Variants in NLRP5 observed in about 807,000 individuals in gnomAD.
NLRP5 encodes NLR family pyrin domain containing 5.
NLRP5 carries 93 observed loss-of-function variants against 113.1 expected under a neutral mutation model. That is an observed-to-expected ratio of 0.82 (90% CI 0.70 to 0.98). The LOEUF is 0.98. NLRP5 is among the 50% of genes least tolerant of loss of function. NLRP5 has a pLI of 0.00. For synonymous variants in NLRP5, 751 were observed against 600.7 expected, an observed-to-expected ratio of 1.25 and a Z score of -3.66; for missense variants, 1,808 against 1,514.3, an observed-to-expected ratio of 1.19 and a Z score of -3.22.
chr19:56,007,912 T>TAGAAATGGAAGATGCTTCCAAA (rs1982002077), intron 2 of NLRP5, among the ~76,000 whole-genome samples: 1 of 28,868 alleles, frequency 3.5e-5, no homozygotes. Flanking sequence ...TGCGTGTGTG[T>TAGAAATGGAAGATGCTTCCAAA]GTGTGTGTGT....
chr19:56,022,334 C>T (rs1236815306), intron 6 of NLRP5, among the ~76,000 whole-genome samples: 1 of 152,184 alleles, frequency 6.6e-6, no homozygotes, highest in East Asian at 1.9e-4. Context: ...ATCCTCCTGC[C>T]TCAGCCTCCT....
At chr19:56,028,584 T>G in intron 7 of NLRP5, 75 bp downstream of exon 7, 11 of 1,358,734 alleles carry the variant, frequency 8.1e-6, no homozygotes, top group Non-Finnish European at 1.1e-5. Context: ...TTGACATGAC[T>G]TCCAGGAACT....
chr19:56,008,794 C>T lies in NLRP5; in HGVS notation c.449C>T (p.Ser150Leu), dbSNP rs1468527272. Residue 150 changes from serine to leucine, a missense_variant, in exon 3 of 15, where the codon TCA becomes TTA. Physicochemically the swap from Ser to Leu is moderately radical, Grantham distance 145. Coordinates refer to ENST00000390649, the MANE Select transcript of NLRP5 (RefSeq NM_153447.4). ...CTTTTTCTTTGTCTTCCAGGACATT[C>T]ACCAGAAGATCCTGAAGCAACGATG... 6.2e-7 allele frequency: 1 copy of T among 1,609,798 alleles called. No homozygotes were observed. The highest frequency in any genetic ancestry group is 8.5e-7 in the Non-Finnish European group (1 of 1,178,026).
intron 9 of NLRP5, among the ~76,000 whole-genome samples, chr19:56,035,386 T>A (rs573315521): frequency 1.3e-5 from 2 of 152,314 alleles, no homozygotes; most frequent in South Asian, 4.1e-4. Context: ...AAAGCATAAA[T>A]GTTGTCTCAG....
chr19:56,013,425 C>T (rs1214196466), intron 3 of NLRP5, among the ~76,000 whole-genome samples: 2 of 151,880 alleles, frequency 1.3e-5, no homozygotes, highest in African/African-American at 2.4e-5. Context: ...ATATCCTGAC[C>T]TTGTGATCTG....
chr19:56,008,642 G>A (rs1196083377), intron 2 of NLRP5, 146 bp from the exon 3 acceptor site: 18 of 705,720 alleles, frequency 2.6e-5, no homozygotes, highest in African/African-American at 7.1e-5. Flanking sequence ...TGTTGTCTCC[G>A]TTATAGGCCA....
At chr19:56,014,797 A>G (rs1202411719) in intron 3 of NLRP5, among the ~76,000 whole-genome samples, 2 of 152,184 alleles carry the variant, frequency 1.3e-5, no homozygotes, top group South Asian at 2.1e-4. Context: ...TGCCTGAACC[A>G]CACTGACTTA....
chr19:56,023,455 G>A (rs191903235), intron 6 of NLRP5, among the ~76,000 whole-genome samples: 3 of 152,268 alleles, frequency 2.0e-5, no homozygotes, highest in Admixed American at 6.5e-5. Flanking sequence ...ACTAACCATC[G>A]ATCAAAAATA....
chr19:56,060,904 C>T (rs1427369950), intron 14 of NLRP5, among the ~76,000 whole-genome samples: 1 of 152,090 alleles, frequency 6.6e-6, no homozygotes, highest in Non-Finnish European at 1.5e-5. Flanking sequence ...ATCTGTCTCC[C>T]CATGCTGGCT....
chr19:56,046,610 G>A (rs1241498981), intron 11 of NLRP5, among the ~76,000 whole-genome samples: 22 of 151,744 alleles, frequency 1.4e-4, no homozygotes, highest in Non-Finnish European at 3.2e-4. Flanking sequence ...GCGCGATCTC[G>A]GCTCACTGCA....
At chr19:56,040,465 G>A in intron 10 of NLRP5, among the ~76,000 whole-genome samples, 1 of 152,158 alleles carries the variant, frequency 6.6e-6, no homozygotes, top group East Asian at 1.9e-4. Context: ...CTACTCAGGA[G>A]GCTGAGGCCG....
Position 56,061,472 on chromosome 19 carries a change from A to G in NLRP5, c.3547A>G (p.Ile1183Val). The G allele has an allele frequency of 1.9e-6, 3 of 1,614,012 alleles. No homozygotes were observed. Among genetic ancestry groups the G allele is most frequent in the South Asian group, 2.2e-5 (2 of 91,084 alleles). ...GCAGCTACTCAAGCCCCGAGTCGTA[A>G]TTGACGGTAGTTGGCATTCTTTTGA... The change falls in exon 15 of 15, where the codon ATT (isoleucine) becomes GTT (valine). Residue 1183 changes from isoleucine (I) to valine (V), a missense_variant. Physicochemically the swap from Ile to Val is conservative, Grantham distance 29 (BLOSUM62 3). Transcript: ENST00000390649.
At chr19:56,054,557 CAAA>C (rs1209950903) in intron 13 of NLRP5, among the ~76,000 whole-genome samples, 1 of 74,926 alleles carries the variant, frequency 1.3e-5, no homozygotes, top group East Asian at 3.7e-4. Context: ...GACTCCATCT[CAAA>C]AAAAGTGAAA....
rs80025542 is a variant in NLRP5, at chr19:56,038,995, G to A, written c.2786+800G>A. 8.5e-3 allele frequency among the ~76,000 whole-genome samples: 1,297 copies of A among 152,174 alleles called. 27 individuals carry two copies. The highest frequency in any genetic ancestry group is 0.027 in the African/African-American group (1,140 of 41,524). ...CTGGCCCACTTGCTTACTGATAACTGATCTAGGGAGGGGAGGCGAAGCAGC... is the reference window on the plus strand; with the variant it reads ...CTGGCCCACTTGCTTACTGATAACTAATCTAGGGAGGGGAGGCGAAGCAGC... On this transcript the variant is annotated intron_variant, in intron 10 of 14. Coordinates refer to ENST00000390649, the MANE Select transcript of NLRP5 (RefSeq NM_153447.4).
the NLRP5 span, among the ~76,000 whole-genome samples, chr19:55,989,511 C>G: frequency 4.6e-5 from 7 of 152,198 alleles, no homozygotes; most frequent in Non-Finnish European, 8.8e-5. Flanking sequence ...CCTCAGCCTC[C>G]CAAAGTTCTG....
chr19:55,997,040 G>A (rs371803876), upstream of NLRP5, among the ~76,000 whole-genome samples: 39 of 152,190 alleles, frequency 2.6e-4, no homozygotes, highest in Middle Eastern at 3.4e-3. Context: ...AACTGGTGTG[G>A]GATGGTATCT....
the NLRP5 span, chr19:55,988,756 C>T: frequency 1.3e-5 from 2 of 151,946 alleles, no homozygotes; most frequent in Non-Finnish European, 2.9e-5. Flanking sequence ...ATTCAAATTA[C>T]GTGTATATAG....
At position 56,028,296 on chromosome 19, in the gene NLRP5, T is replaced by G; in HGVS notation, c.2063T>G (p.Phe688Cys). Residue 688 changes from phenylalanine to cysteine, a missense_variant, in exon 7 of 15, where the codon TTC becomes TGC. Coordinates refer to ENST00000390649, the MANE Select transcript of NLRP5 (RefSeq NM_153447.4). Reference sequence around the variant, plus strand: ...ACCCCAGGAGACACCCTGGACGCCTTCCACTGTCTTTTCGAGACTCAAGAC... The same window carrying G: ...ACCCCAGGAGACACCCTGGACGCCTGCCACTGTCTTTTCGAGACTCAAGAC... 2 of 1,613,998 alleles carry G rather than the reference T, an allele frequency of 1.2e-6. No individual in the cohort carries two copies. Among genetic ancestry groups the G allele is most frequent in the Non-Finnish European group, 1.7e-6 (2 of 1,179,902 alleles).
the NLRP5 span, among the ~76,000 whole-genome samples, chr19:55,990,988 GAAA>G: frequency 2.0e-5 from 3 of 148,816 alleles, no homozygotes; most frequent in African/African-American, 4.9e-5. Flanking sequence ...CCATCTCAAA[GAAA>G]AAAAAAATTC....
Sources: gnomAD v4.1 joint callset for allele counts (sites outside exome capture counted in the v4.1 genomes callset) on GRCh38, gnomAD v4.1.1 for gene constraint, MANE v1.5 for transcripts, NCBI Gene and HGNC (gene_info 2026-07-23, HGNC 2026-07-21) for gene names.